SLIT3: variants seen among roughly 807,000 people sequenced by gnomAD.
SLIT3 encodes slit homolog 3 protein.
A neutral mutation model predicts 184.0 loss-of-function variants in SLIT3; 68 were observed. The observed-to-expected ratio is 0.37, with a 90% CI of 0.30 to 0.45. SLIT3 has a LOEUF of 0.45. Ranked by LOEUF, SLIT3 falls within the 20% of genes least tolerant of loss-of-function variation. SLIT3 has a pLI of 1.00. For synonymous variants in SLIT3, 831 were observed against 828.6 expected (o/e 1.00, Z -0.05); for missense variants, 1,707 against 2,026.0 (o/e 0.84, Z 3.02).
chr5:168,982,052 A>C (rs896026942), intron 4 of SLIT3, among the ~76,000 whole-genome samples: 26 of 152,302 alleles, frequency 1.7e-4, no homozygotes, highest in African/African-American at 6.3e-4. Flanking sequence ...ACTTTCCATG[A>C]CCCACATGCA....
intron 7 of SLIT3, among the ~76,000 whole-genome samples, chr5:168,818,788 T>C (rs958468188): frequency 1.4e-4 from 22 of 152,222 alleles, no homozygotes; most frequent in Non-Finnish European, 8.8e-5. Flanking sequence ...CAAGTGCAGC[T>C]ACCTCCTGCT....
Position 168,666,321 on chromosome 5 carries a change from C to T in SLIT3, c.*133G>A. On this transcript the variant is annotated 3_prime_UTR_variant, in exon 36 of 36. Transcript: ENST00000519560. ...TATTTTTTGTTTATTTTACAATATA[C>T]TTAATATTCTCTTCTTCTTTACCTT... 3 of 808,786 alleles carry T rather than the reference C, an allele frequency of 3.7e-6. No homozygotes were observed. Among genetic ancestry groups the T allele is most frequent in the Middle Eastern group, 3.8e-4 (1 of 2,602 alleles). The allele number at this position is 808,786 out of a possible 1,614,324, so 50.1% of individuals were successfully genotyped here. A position where few individuals can be genotyped will look rare whatever the true frequency, so the allele number is the denominator to read the frequency against.
intron 4 of SLIT3, among the ~76,000 whole-genome samples, chr5:168,911,050 T>C (rs1270631359): frequency 6.6e-6 from 1 of 152,104 alleles, no homozygotes; most frequent in Non-Finnish European, 1.5e-5. Flanking sequence ...AAAAGCTACG[T>C]TTAAAATCAA....
intron 26 of SLIT3, among the ~76,000 whole-genome samples, chr5:168,701,071 T>C (rs887254071): frequency 1.3e-5 from 2 of 152,222 alleles, no homozygotes; most frequent in Non-Finnish European, 2.9e-5. Flanking sequence ...TAAAAGCCTC[T>C]TGACCTCTCC....
At chr5:168,775,722 C>CT (rs1395963647) in intron 12 of SLIT3, among the ~76,000 whole-genome samples, 1 of 152,188 alleles carries the variant, frequency 6.6e-6, no homozygotes, top group East Asian at 1.9e-4. Context: ...TCTCACTTCT[C>CT]TAAGGCGGCA....
chr5:168,824,805 C>G (rs1757646281), intron 6 of SLIT3, among the ~76,000 whole-genome samples: 1 of 152,218 alleles, frequency 6.6e-6, no homozygotes, highest in African/African-American at 2.4e-5. Context: ...CTCTCCTGAG[C>G]CTCCATGGGT....
At chr5:168,885,363 C>G (rs1760153331) in intron 4 of SLIT3, among the ~76,000 whole-genome samples, 1 of 152,202 alleles carries the variant, frequency 6.6e-6, no homozygotes, top group Admixed American at 6.5e-5. Flanking sequence ...AGGCCTGATT[C>G]AATGAGCAGG....
intron 4 of SLIT3, among the ~76,000 whole-genome samples, chr5:168,971,202 C>T (rs1266479617): frequency 6.6e-6 from 1 of 152,154 alleles, no homozygotes; most frequent in East Asian, 1.9e-4. Flanking sequence ...TGACCATTGC[C>T]CTATTATCAT....
At chr5:168,895,666 C>A (rs1760635156) in intron 4 of SLIT3, among the ~76,000 whole-genome samples, 1 of 152,228 alleles carries the variant, frequency 6.6e-6, no homozygotes, top group South Asian at 2.1e-4. Flanking sequence ...CGTTTCTCAT[C>A]ATGACCCCAT....
At chr5:168,884,221 C>T (rs935215035) in intron 4 of SLIT3, among the ~76,000 whole-genome samples, 5 of 151,368 alleles carry the variant, frequency 3.3e-5, no homozygotes, top group African/African-American at 7.3e-5. Context: ...CTGTAAAGAC[C>T]GACCCATCAG....
Position 168,911,528 on chromosome 5 carries a change from C to T in SLIT3, c.414-28192G>A, listed in dbSNP as rs184709972. Among the ~76,000 whole-genome samples the T allele has an allele frequency of 1.9e-3, 283 of 152,302 alleles. 1 individual carries two copies. The highest frequency in any genetic ancestry group is 6.3e-3 in the African/African-American group (260 of 41,566). On this transcript the variant is annotated intron_variant, in intron 4 of 35. Coordinates refer to ENST00000519560, the MANE Select transcript of SLIT3 (RefSeq NM_003062.4). The stretch of plus-strand genomic sequence containing the variant: ...AGGAAGTTATTTCTTGAAACCGGCT[C>T]GCCACATACAAGTCATGTCAGCATA...
chr5:168,926,183 T>A (rs1761817248), intron 4 of SLIT3, among the ~76,000 whole-genome samples: 1 of 151,528 alleles, frequency 6.6e-6, no homozygotes, highest in African/African-American at 2.4e-5. Context: ...ACTGAGGGCA[T>A]GTTTTCATCC....
intron 20 of SLIT3, among the ~76,000 whole-genome samples, chr5:168,746,722 GGCGGTGT>G: frequency 1.8e-5 from 2 of 113,788 alleles, no homozygotes; most frequent in Non-Finnish European, 3.7e-5. Flanking sequence ...GTGTGGGTGT[GGCGGTGT>G]GTGGTGGTGT....
chr5:169,225,731 G>A (rs1430562393), intron 3 of SLIT3, among the ~76,000 whole-genome samples: 1 of 152,224 alleles, frequency 6.6e-6, no homozygotes, highest in Non-Finnish European at 1.5e-5. Flanking sequence ...GCGGCAGGGG[G>A]TGATTTCCCA....
intron 4 of SLIT3, among the ~76,000 whole-genome samples, chr5:169,046,539 T>A (rs1000062420): frequency 1.3e-5 from 2 of 152,158 alleles, no homozygotes; most frequent in African/African-American, 2.4e-5. Flanking sequence ...TTGGAGCAGA[T>A]CAGAACTGAG....
intron 4 of SLIT3, among the ~76,000 whole-genome samples, chr5:168,954,528 A>T (rs6886126): frequency 0.48 from 73,099 of 152,052 alleles, 18,758 homozygotes; most frequent in African/African-American, 0.67. Context: ...GCAAAGCAGG[A>T]TCCTGGAGAT....
chr5:168,901,963 G>C (rs568607191), intron 4 of SLIT3, among the ~76,000 whole-genome samples: 1 of 152,268 alleles, frequency 6.6e-6, no homozygotes, highest in South Asian at 2.1e-4. Context: ...GTGCAGTGGC[G>C]CGATCTCGGC....
At chr5:168,977,074 G>A (rs1343274525) in intron 4 of SLIT3, among the ~76,000 whole-genome samples, 7 of 152,162 alleles carry the variant, frequency 4.6e-5, no homozygotes, top group African/African-American at 1.4e-4. Context: ...GCCCAGGAGG[G>A]AAGTTAATGA....
intron 28 of SLIT3, 88 bp from the exon 29 acceptor site, chr5:168,692,788 GC>G: frequency 1.1e-6 from 1 of 929,052 alleles, no homozygotes; most frequent in Non-Finnish European, 1.7e-6. Flanking sequence ...GGATATCCTG[GC>G]CAGAAGATCA....
Sources: allele counts gnomAD v4.1 joint callset (sites outside exome capture counted in the v4.1 genomes callset), GRCh38; gene constraint gnomAD v4.1.1; transcripts MANE v1.5; gene names NCBI Gene and HGNC (gene_info 2026-07-23, HGNC 2026-07-21).